Variants in ERC1 observed in about 807,000 individuals in gnomAD.
ERC1 encodes RAB6 interacting protein 2.
A neutral mutation model predicts 132.0 loss-of-function variants in ERC1; 56 were observed. That is an observed-to-expected ratio of 0.42 (90% CI 0.34 to 0.53). The LOEUF is 0.53. Ranked by LOEUF, ERC1 falls within the 20% of genes least tolerant of loss-of-function variation. The pLI, the probability that ERC1 is intolerant of heterozygous loss-of-function variation, is 0.03. For synonymous variants in ERC1, 478 were observed against 476.1 expected (o/e 1.00, Z -0.05); for missense variants, 1,202 against 1,349.9 (o/e 0.89, Z 1.72).
At chr12:1,124,669 A>G (rs1947948856) in intron 7 of ERC1, among the ~76,000 whole-genome samples, 1 of 152,140 alleles carries the variant, frequency 6.6e-6, no homozygotes, top group African/African-American at 2.4e-5. Flanking sequence ...ATTAATAGAG[A>G]ATAAAACAAC....
At chr12:1,005,344 T>C (rs910618711) in intron 1 of ERC1, among the ~76,000 whole-genome samples, 1 of 152,146 alleles carries the variant, frequency 6.6e-6, no homozygotes, top group African/African-American at 2.4e-5. Context: ...GGTTTTGCCA[T>C]GTTGCCCAGG....
intron 15 of ERC1, among the ~76,000 whole-genome samples, chr12:1,343,603 G>A (rs1007905207): frequency 2.6e-5 from 4 of 151,966 alleles, no homozygotes; most frequent in Non-Finnish European, 2.9e-5. Flanking sequence ...TTAGTGGCTC[G>A]GTGTTTTCAT....
rs990157281 is a variant in ERC1, at chr12:1,494,157, C to G, written c.*3927C>G. 10 of 232,028 alleles carry G rather than the reference C, an allele frequency of 4.3e-5. No homozygotes were observed. The highest frequency in any genetic ancestry group is 2.2e-4 in the African/African-American group (10 of 45,254). The allele number at this position is 232,028 out of a possible 1,614,324, so 14.4% of individuals were successfully genotyped here. A position where few individuals can be genotyped will look rare whatever the true frequency, so the allele number is the denominator to read the frequency against. ...TCAAGCCCAGCGGACCCTGTGTCAG[C>G]AAATACCAGTAATTTAACATCTGCT... On this transcript the variant is annotated 3_prime_UTR_variant, in exon 19 of 19. Coordinates refer to ENST00000360905, the MANE Select transcript of ERC1 (RefSeq NM_178040.4).
chr12:1,174,145 G>A (rs73041065), intron 8 of ERC1, among the ~76,000 whole-genome samples: 21 of 152,260 alleles, frequency 1.4e-4, no homozygotes, highest in African/African-American at 5.1e-4. Flanking sequence ...GTATTTTTAT[G>A]GGCACACATT....
chr12:1,221,463 T>A (rs1028841506), intron 12 of ERC1, among the ~76,000 whole-genome samples: 1 of 152,206 alleles, frequency 6.6e-6, no homozygotes, highest in Non-Finnish European at 1.5e-5. Flanking sequence ...TAAAAAAATG[T>A]TGAATTGATC....
At chr12:1,429,219 A>G (rs1174918549) in intron 17 of ERC1, among the ~76,000 whole-genome samples, 2 of 152,274 alleles carry the variant, frequency 1.3e-5, no homozygotes, top group Admixed American at 1.3e-4. Flanking sequence ...AAGGTATTAG[A>G]TTGTCTGTGT....
At chr12:1,168,145 G>A (rs1479484057) in intron 8 of ERC1, among the ~76,000 whole-genome samples, 2 of 151,930 alleles carry the variant, frequency 1.3e-5, no homozygotes, top group Non-Finnish European at 2.9e-5. Context: ...TTTTGAGACA[G>A]GGTCTCATTC....
intron 16 of ERC1, among the ~76,000 whole-genome samples, chr12:1,407,871 G>A (rs1235984251): frequency 6.6e-6 from 1 of 151,932 alleles, no homozygotes; most frequent in Non-Finnish European, 1.5e-5. Context: ...CCACCCTTAT[G>A]ACTTCATTTA....
chr12:1,042,492 C>A (rs913021300), intron 2 of ERC1, among the ~76,000 whole-genome samples: 1 of 151,852 alleles, frequency 6.6e-6, no homozygotes, highest in African/African-American at 2.4e-5. Context: ...ATTACAGGCA[C>A]CTGCCACTAT....
chr12:1,464,268 A>G (rs191404690), intron 18 of ERC1, among the ~76,000 whole-genome samples: 2 of 152,316 alleles, frequency 1.3e-5, no homozygotes, highest in East Asian at 3.9e-4. Flanking sequence ...AGACCAAAAC[A>G]TTATGATACA....
intron 12 of ERC1, among the ~76,000 whole-genome samples, chr12:1,228,883 C>T (rs2074810712): frequency 1.3e-5 from 2 of 152,254 alleles, no homozygotes; most frequent in South Asian, 2.1e-4. Flanking sequence ...AGTGAATGGT[C>T]CTTTTAATGT....
chr12:1,299,813 C>T (rs1014610363), intron 15 of ERC1, among the ~76,000 whole-genome samples: 1 of 152,026 alleles, frequency 6.6e-6, no homozygotes, highest in African/African-American at 2.4e-5. Flanking sequence ...GGTTATCACT[C>T]CAGTTTCTAA....
chr12:1,248,769 A>G (rs565581766), intron 13 of ERC1, among the ~76,000 whole-genome samples: 2 of 152,226 alleles, frequency 1.3e-5, no homozygotes, highest in Non-Finnish European at 2.9e-5. Context: ...TGTGCTGTGC[A>G]GTTTTCTATG....
intron 15 of ERC1, among the ~76,000 whole-genome samples, chr12:1,303,964 A>AAAAAAAAG (rs1555352924): frequency 4.2e-4 from 63 of 148,304 alleles, no homozygotes; most frequent in African/African-American, 1.3e-3. Context: ...AGAAAAAAAA[A>AAAAAAAAG]AAAAAAGAAT....
At chr12:1,205,389 A>G (rs1957261882) in intron 12 of ERC1, among the ~76,000 whole-genome samples, 1 of 147,426 alleles carries the variant, frequency 6.8e-6, no homozygotes, top group African/African-American at 2.5e-5. Flanking sequence ...GTATATATAT[A>G]TATATATCTG....
rs150107658 is a variant in ERC1, at chr12:1,408,151, G to A, written c.2928G>A (p.Thr976=). The A allele has an allele frequency of 2.7e-4, 438 of 1,611,200 alleles. No individual in the cohort carries two copies. Among genetic ancestry groups the A allele is most frequent in the South Asian group, 6.8e-4 (62 of 90,924 alleles). The part of the protein sequence containing the change: ...DRLVQQLKQQ[T]QNRMKLMADN... ...CCTTATGAATAATTTCTTCCTAGACGCAAAATCGAATGAAGCTAATGGCCG... is the reference window on the plus strand; with the variant it reads ...CCTTATGAATAATTTCTTCCTAGACACAAAATCGAATGAAGCTAATGGCCG... The change falls in exon 17 of 19, where the codon ACG becomes ACA. Residue 976 remains threonine (T), a splice_region_variant and synonymous_variant. Coordinates refer to ENST00000360905, the MANE Select transcript of ERC1 (RefSeq NM_178040.4).
intron 13 of ERC1, among the ~76,000 whole-genome samples, chr12:1,245,552 A>T (rs929295949): frequency 6.6e-6 from 1 of 152,238 alleles, no homozygotes; most frequent in Non-Finnish European, 1.5e-5. Flanking sequence ...TTCTTTGAAT[A>T]CTTCAGATAG....
chr12:1,462,426 C>G (rs1183943084), intron 18 of ERC1, among the ~76,000 whole-genome samples: 1 of 152,104 alleles, frequency 6.6e-6, no homozygotes, highest in African/African-American at 2.4e-5. Context: ...GGAAACAACC[C>G]AAATGTCCAT....
chr12:1,362,074 T>C (rs1387787862), intron 15 of ERC1, among the ~76,000 whole-genome samples: 2 of 152,216 alleles, frequency 1.3e-5, no homozygotes, highest in Admixed American at 1.3e-4. Context: ...CTCTAGAAGA[T>C]AAGACACACT....
Sources: gnomAD v4.1 joint callset for allele counts (sites outside exome capture counted in the v4.1 genomes callset) on GRCh38, gnomAD v4.1.1 for gene constraint, MANE v1.5 for transcripts, NCBI Gene and HGNC (gene_info 2026-07-23, HGNC 2026-07-21) for gene names.